The following CTIF variants were observed in gnomAD, a reference collection of about 807,000 sequenced individuals.
CTIF encodes cap binding complex dependent translation initiation factor.
In CTIF, 21 loss-of-function variants were observed where a neutral mutation model predicts 66.0. That is an observed-to-expected ratio of 0.32 (90% CI 0.23 to 0.46). The LOEUF (loss-of-function observed/expected upper bound fraction) is 0.46. Among genes scored for constraint, CTIF ranks in the 20% least tolerant of loss-of-function variants. The pLI is 1.00. For synonymous variants in CTIF, 345 were observed against 326.4 expected, an observed-to-expected ratio of 1.06 and a Z score of -0.62; for missense variants, 739 against 812.7, an observed-to-expected ratio of 0.91 and a Z score of 1.10.
chr18:48,829,196 G>A (rs187562944), intron 10 of CTIF, among the ~76,000 whole-genome samples: 278 of 152,300 alleles, frequency 1.8e-3, no homozygotes, highest in African/African-American at 5.0e-3. Flanking sequence ...ACAAGCATCC[G>A]TCTAGATTTT....
intron 6 of CTIF, among the ~76,000 whole-genome samples, chr18:48,692,194 A>G (rs1022976524): frequency 1.3e-5 from 2 of 152,204 alleles, no homozygotes; most frequent in African/African-American, 4.8e-5. Context: ...TTGTAAAACA[A>G]AACAAAAAAC....
intron 7 of CTIF, among the ~76,000 whole-genome samples, chr18:48,711,917 T>C (rs886084313): frequency 1.3e-5 from 2 of 152,122 alleles, no homozygotes; most frequent in African/African-American, 4.8e-5. Flanking sequence ...CTTCAGGCGT[T>C]TGGCTGAGAG....
chr18:48,707,805 A>G (rs1341316461), intron 6 of CTIF, among the ~76,000 whole-genome samples: 1 of 152,146 alleles, frequency 6.6e-6, no homozygotes, highest in Non-Finnish European at 1.5e-5. Flanking sequence ...AACGATCACT[A>G]CTGTCTAATT....
chr18:48,678,310 A>G (rs1041126709), intron 6 of CTIF, among the ~76,000 whole-genome samples: 1 of 152,136 alleles, frequency 6.6e-6, no homozygotes, highest in African/African-American at 2.4e-5. Flanking sequence ...TTTTAATCAG[A>G]CAGGTTTGTA....
chr18:48,859,217 A>G, intron 11 of CTIF, 127 bp from the exon 12 acceptor site: 1 of 771,760 alleles, frequency 1.3e-6, no homozygotes, highest in Non-Finnish European at 2.3e-6. Flanking sequence ...CAGCTGTGGC[A>G]CAGGGGTCTG....
At chr18:48,749,199 C>T (rs577430811) in intron 7 of CTIF, among the ~76,000 whole-genome samples, 11 of 152,262 alleles carry the variant, frequency 7.2e-5, no homozygotes, top group African/African-American at 2.6e-4. Flanking sequence ...GGTCAATCAA[C>T]TCGTAGGGTG....
At chr18:48,857,515 G>A in intron 10 of CTIF, 73 bp from the exon 11 acceptor site, 2 of 1,400,244 alleles carry the variant, frequency 1.4e-6, no homozygotes, top group African/African-American at 1.4e-5. Context: ...GTCGGCGGGG[G>A]CTGCAGGGAG....
chr18:48,544,031 G>T (rs892459222), intron 1 of CTIF, among the ~76,000 whole-genome samples: 1 of 152,162 alleles, frequency 6.6e-6, no homozygotes, highest in African/African-American at 2.4e-5. Flanking sequence ...CCCTGAGGCA[G>T]GGTCCTCAGG....
At chr18:48,549,197 G>A (rs1037079584) in intron 1 of CTIF, among the ~76,000 whole-genome samples, 1 of 152,154 alleles carries the variant, frequency 6.6e-6, no homozygotes, top group Non-Finnish European at 1.5e-5. Flanking sequence ...AGAGGAATTG[G>A]CAGCTGTTTC....
rs2092217359 is a variant in CTIF at position 48,711,068 on chromosome 18, T to G, written c.508-551T>G. 2.0e-5 allele frequency among the ~76,000 whole-genome samples: 3 copies of G among 152,172 alleles called. No individual in the cohort carries two copies. The South Asian group carries it at 6.2e-4, about 32-fold the overall frequency. Reference sequence around the variant, plus strand: ...CCCTAGGCAATATAGGGAAAGAAGATCTTGGGTAAAAATTTCACTGGGGGT... The same window carrying G: ...CCCTAGGCAATATAGGGAAAGAAGAGCTTGGGTAAAAATTTCACTGGGGGT... On this transcript the variant is annotated intron_variant, in intron 6 of 11. Transcript: ENST00000256413.
At chr18:48,837,951 T>G (rs1455018743) in intron 10 of CTIF, among the ~76,000 whole-genome samples, 2 of 152,162 alleles carry the variant, frequency 1.3e-5, no homozygotes, top group African/African-American at 4.8e-5. Flanking sequence ...TCTCTGGAAC[T>G]CTGATTTGGT....
chr18:48,644,802 A>G lies in CTIF; in HGVS notation c.252+8117A>G, dbSNP rs111943296. 5.1e-3 allele frequency among the ~76,000 whole-genome samples: 772 copies of G among 152,282 alleles called. 4 individuals carry two copies. Among genetic ancestry groups the G allele is most frequent in the Middle Eastern group, 0.034 (10 of 294 alleles). ...ACAGGGCCTTGCATTGTAGCAGGAG[A>G]GGTGAGACATACAGGCAAAGTGGGA... On this transcript the variant is annotated intron_variant, in intron 3 of 11. Coordinates refer to ENST00000256413, the MANE Select transcript of CTIF (RefSeq NM_014772.3).
intron 6 of CTIF, among the ~76,000 whole-genome samples, chr18:48,693,022 C>T (rs1045048180): frequency 3.3e-5 from 5 of 152,194 alleles, no homozygotes; most frequent in Non-Finnish European, 7.3e-5. Context: ...TTGTTTTGAG[C>T]ATTGATAGAT....
chr18:48,736,571 G>T (rs2092505553), intron 7 of CTIF, among the ~76,000 whole-genome samples: 1 of 152,216 alleles, frequency 6.6e-6, no homozygotes, highest in South Asian at 2.1e-4. Flanking sequence ...ATATTTCCTG[G>T]CCTCTTGCCT....
intron 7 of CTIF, among the ~76,000 whole-genome samples, chr18:48,745,851 C>G (rs8088234): frequency 0.013 from 2,038 of 152,344 alleles, 45 homozygotes; most frequent in African/African-American, 0.046. Flanking sequence ...GGAGTCCTCT[C>G]TGTGATAACG....
intron 3 of CTIF, among the ~76,000 whole-genome samples, chr18:48,638,056 G>GGGT (rs896912645): frequency 1.3e-4 from 19 of 151,830 alleles, no homozygotes; most frequent in Non-Finnish European, 2.8e-4. Context: ...GCCTTCTAGG[G>GGGT]GGTGCCTCTG....
chr18:48,703,939 C>T (rs376411556), intron 6 of CTIF, among the ~76,000 whole-genome samples: 5 of 152,248 alleles, frequency 3.3e-5, no homozygotes, highest in African/African-American at 1.2e-4. Flanking sequence ...ACACAGGAGG[C>T]TGTCTGAACC....
intron 6 of CTIF, among the ~76,000 whole-genome samples, chr18:48,688,621 A>G (rs1191574287): frequency 6.6e-6 from 1 of 152,256 alleles, no homozygotes; most frequent in Non-Finnish European, 1.5e-5. Context: ...CCAGTGGGGA[A>G]GTGCTGGGCC....
At chr18:48,673,428 TTTGTTG>T (rs4044187) in intron 6 of CTIF, 1 of 151,484 alleles carries the variant, frequency 6.6e-6, no homozygotes, top group African/African-American at 2.4e-5. Context: ...CTGAGACACA[TTTGTTG>T]TTGTTGTTGT....
Sources: gnomAD v4.1 joint callset for allele counts (sites outside exome capture counted in the v4.1 genomes callset) on GRCh38, gnomAD v4.1.1 for gene constraint, MANE v1.5 for transcripts, NCBI Gene and HGNC (gene_info 2026-07-23, HGNC 2026-07-21) for gene names.